Variants in DDX28 observed in about 807,000 individuals in gnomAD.
DDX28 encodes the protein DEAD-box helicase 28, also known as probable ATP-dependent RNA helicase DDX28.
A neutral mutation model predicts 26.8 loss-of-function variants in DDX28; 25 were observed. That is an observed-to-expected ratio of 0.93 (90% CI 0.68 to 1.30). DDX28 has a LOEUF of 1.30. Among genes scored for constraint, DDX28 ranks in the 50% most tolerant of loss-of-function variants. DDX28 has a pLI of 0.00. For missense variants in DDX28, 790 were observed against 695.1 expected (o/e 1.14, Z -1.53); for synonymous variants, 370 against 311.9 (o/e 1.19, Z -1.96).
Position 68,023,081 on chromosome 16 carries a change from G to T in DDX28, c.122C>A (p.Ala41Asp). The T allele has an allele frequency of 6.2e-7, 1 of 1,601,598 alleles. No homozygotes were observed. Residue 41 changes from alanine to aspartate, a missense_variant, in exon 1 of 1, where the codon GCT becomes GAT. Coordinates refer to ENST00000332395, the MANE Select transcript of DDX28 (RefSeq NM_018380.4). ...EPLPVVRIPVALQRQLEQRQS... is the reference protein window; with the variant it reads ...EPLPVVRIPVDLQRQLEQRQS... ...CCGCTGTTCCAACTGCCGCTGTAGAGCCACTGGGATGCGCACCACCGGCAG... is the reference window on the plus strand; with the variant it reads ...CCGCTGTTCCAACTGCCGCTGTAGATCCACTGGGATGCGCACCACCGGCAG...
chr16:68,021,549 T>C lies in DDX28; in HGVS notation c.*31A>G. On this transcript the variant is annotated 3_prime_UTR_variant, in exon 1 of 1. Transcript: ENST00000332395. ...AAGATACTGGGAAAGATCCCTGTTC[T>C]AGCATCACATTTTAATCAGATTTGT... 1 of 1,592,724 alleles carries C rather than the reference T, an allele frequency of 6.3e-7. No homozygotes were observed. Among genetic ancestry groups the C allele is most frequent in the Non-Finnish European group, 8.6e-7 (1 of 1,167,998 alleles).
At position 68,021,370 on chromosome 16, in the gene DDX28, T is replaced by C; in HGVS notation, c.*210A>G. 1 of 580,874 alleles carries C rather than the reference T, an allele frequency of 1.7e-6. No homozygotes were observed. Among genetic ancestry groups the C allele is most frequent in the Non-Finnish European group, 3.0e-6 (1 of 330,364 alleles). 36.0% of individuals were successfully genotyped at this position (580,874 alleles called of 1,614,324 possible). A position where few individuals can be genotyped will look rare whatever the true frequency, so the allele number is the denominator to read the frequency against. On this transcript the variant is annotated 3_prime_UTR_variant, in exon 1 of 1. Transcript: ENST00000332395. ...GATACAAAGTCAAAATCCACTTGTG[T>C]CTTGCTAAAGACTACAGAAAGCCAT... is the stretch of plus-strand genomic sequence containing the variant.
rs2033242495 is a variant in DDX28, at chr16:68,021,690, G to A, written c.1513C>T (p.His505Tyr). 7 of 1,614,234 alleles carry A rather than the reference G, an allele frequency of 4.3e-6. No individual in the cohort carries two copies. Among genetic ancestry groups the A allele is most frequent in the Non-Finnish European group, 5.9e-6 (7 of 1,180,046 alleles). ...TGAACCAGGCTCACATCCCAGGGAT[G>A]GGTCACAAAACTGATGACGGTGCCT... ...VPGTVISFVT[H>Y]PWDVSLVQKI... The change falls in exon 1 of 1, where the codon CAT becomes TAT. Residue 505 changes from histidine to tyrosine, a missense_variant. Physicochemically the swap from His to Tyr is moderately conservative, Grantham distance 83. Coordinates refer to ENST00000332395, the MANE Select transcript of DDX28 (RefSeq NM_018380.4).
At position 68,023,011 on chromosome 16, in the gene DDX28, G is replaced by C; in HGVS notation, c.192C>G (p.Pro64=). 6.3e-7 allele frequency: 1 copy of C among 1,576,150 alleles called. No homozygotes were observed. The highest frequency in any genetic ancestry group is 8.5e-7 in the Non-Finnish European group (1 of 1,169,684). Residue 64 remains proline (P), a synonymous_variant, in exon 1 of 1, where the codon CCC becomes CCG. Coordinates refer to ENST00000332395, the MANE Select transcript of DDX28 (RefSeq NM_018380.4). ...GCCGCGCCGAAACCAGCAGCGGTCC[G>C]GGTCGAACCAGCACCGGCCTCGGGA... The part of the protein sequence containing the change: ...RNLPRPVLVR[P]GPLLVSARRP...
Position 68,021,486 on chromosome 16 carries a change from G to A in DDX28, c.*94C>T. The A allele has an allele frequency of 7.1e-7, 1 of 1,413,772 alleles. No homozygotes were observed. Among genetic ancestry groups the A allele is most frequent in the Non-Finnish European group, 9.6e-7 (1 of 1,037,138 alleles). The allele number at this position is 1,413,772 out of a possible 1,614,324, so 87.6% of individuals were successfully genotyped here. On this transcript the variant is annotated 3_prime_UTR_variant, in exon 1 of 1. Transcript: ENST00000332395. ...CCGCCCTCAAGGAGCCGACAGGGCAGCCCAGAGCCTCCCACTGACAAGTGT... is the reference window on the plus strand; with the variant it reads ...CCGCCCTCAAGGAGCCGACAGGGCAACCCAGAGCCTCCCACTGACAAGTGT...
chr16:68,021,529 A>G lies in DDX28; in HGVS notation c.*51T>C, dbSNP rs768221351. ...ACAAGTGTGGTCACCCACTCAAGAT[A>G]CTGGGAAAGATCCCTGTTCTAGCAT... On this transcript the variant is annotated 3_prime_UTR_variant, in exon 1 of 1. Transcript: ENST00000332395. 1.3e-6 allele frequency: 2 copies of G among 1,569,314 alleles called. No individual in the cohort carries two copies. Among genetic ancestry groups the G allele is most frequent in the South Asian group, 2.4e-5 (2 of 82,348 alleles).
Position 68,023,131 on chromosome 16 carries a change from G to A in DDX28, c.72C>T (p.Leu24=), listed in dbSNP as rs1479718845. 5 of 1,605,642 alleles carry A rather than the reference G, an allele frequency of 3.1e-6. No individual in the cohort carries two copies. Among genetic ancestry groups the A allele is most frequent in the East Asian group, 2.2e-5 (1 of 44,872 alleles). ...GGGGTTCGTCGGGACTGCGGACCGT[G>A]AGGCCCCGTCGCGGCGCCAGGAGCA... ...TRLLLAPRRG[L]TVRSPDEPLP... is the part of the protein sequence containing the mutation. Residue 24 remains leucine (L), a synonymous_variant, in exon 1 of 1, where the codon CTC becomes CTT. Coordinates refer to ENST00000332395, the MANE Select transcript of DDX28 (RefSeq NM_018380.4).
In DDX28 at chr16:68,021,819, C is replaced by A; in HGVS notation, c.1384G>T (p.Asp462Tyr). 6.2e-7 allele frequency: 1 copy of A among 1,614,184 alleles called. No individual in the cohort carries two copies. Among genetic ancestry groups the A allele is most frequent in the African/African-American group, 1.3e-5 (1 of 75,050 alleles). The change falls in exon 1 of 1, where the codon GAC (aspartate) becomes TAC (tyrosine). Residue 462 changes from aspartate (D) to tyrosine (Y), a missense_variant. Asp to Tyr is a radical substitution (Grantham distance 160). Coordinates refer to ENST00000332395, the MANE Select transcript of DDX28 (RefSeq NM_018380.4). The part of the protein sequence containing the change: ...LCTDIASRGL[D>Y]STGVELVVNY... ...ACAACCAGCTCCACACCAGTGCTGT[C>A]CAGGCCCCGAGAGGCTATGTCTGTG...
rs1353042458 is a variant in DDX28 at position 68,021,316 on chromosome 16, ACAT to A, written c.*261_*263del. ...TTATTCTTAGGGGAGGCACATAAAAACATCATTTATTGTTAGAAATCATGACAT... is the reference window on the plus strand; with the variant it reads ...TTATTCTTAGGGGAGGCACATAAAAACATTTATTGTTAGAAATCATGACAT... On this transcript the variant is annotated 3_prime_UTR_variant, in exon 1 of 1. Transcript: ENST00000332395. 5 of 486,124 alleles carry A rather than the reference ACAT, an allele frequency of 1.0e-5. No individual in the cohort carries two copies. In the Admixed American group the frequency reaches 1.9e-4, roughly 19 times the overall value. 30.1% of individuals were successfully genotyped at this position (486,124 alleles called of 1,614,324 possible). A position where few individuals can be genotyped will look rare whatever the true frequency, so the allele number is the denominator to read the frequency against.
Position 68,023,124 on chromosome 16 carries a change from G to A in DDX28, c.79C>T (p.Arg27Cys), listed in dbSNP as rs1223600260. Residue 27 changes from arginine (R) to cysteine (C), a missense_variant, in exon 1 of 1, where the codon CGC (arginine) becomes TGC (cysteine). Arg to Cys is a radical substitution (Grantham distance 180). Transcript: ENST00000332395. ...ACCGGCAGGGGTTCGTCGGGACTGC[G>A]GACCGTGAGGCCCCGTCGCGGCGCC... ...LLAPRRGLTVRSPDEPLPVVR... is the reference protein window; with the variant it reads ...LLAPRRGLTVCSPDEPLPVVR... 1.2e-6 allele frequency: 2 copies of A among 1,604,952 alleles called. No homozygotes were observed. The highest frequency in any genetic ancestry group is 1.3e-5 in the African/African-American group (1 of 75,048).
chr16:68,022,454 A>G lies in DDX28; in HGVS notation c.749T>C (p.Leu250Pro). The G allele has an allele frequency of 6.2e-7, 1 of 1,613,954 alleles. No individual in the cohort carries two copies. Among genetic ancestry groups the G allele is most frequent in the African/African-American group, 1.3e-5 (1 of 75,070 alleles). The change falls in exon 1 of 1, where the codon CTG (leucine) becomes CCG (proline). Residue 250 changes from leucine (L) to proline (P), a missense_variant. By Grantham distance (98) the Leu-to-Pro change is moderately conservative. Coordinates refer to ENST00000332395, the MANE Select transcript of DDX28 (RefSeq NM_018380.4). ...CACATCTGCTGAAGGCTGTCTGGACAGCTGCAGCCTGATCCTACGCATGCC... is the reference window on the plus strand; with the variant it reads ...CACATCTGCTGAAGGCTGTCTGGACGGCTGCAGCCTGATCCTACGCATGCC... ...GHGMRRIRLQLSRQPSADVLV... is the reference protein window; with the variant it reads ...GHGMRRIRLQPSRQPSADVLV...
chr16:68,022,948 G>T lies in DDX28; in HGVS notation c.255C>A (p.Gly85=). The T allele has an allele frequency of 6.4e-7, 1 of 1,551,760 alleles. No individual in the cohort carries two copies. The highest frequency in any genetic ancestry group is 8.7e-7 in the Non-Finnish European group (1 of 1,155,236). Reference sequence around the variant, plus strand: ...AGGCTAGCGGCGCGCGCTCCCAACGGCCCAGTGTGAGGCGCGCCGGCTGGT... The same window carrying T: ...AGGCTAGCGGCGCGCGCTCCCAACGTCCCAGTGTGAGGCGCGCCGGCTGGT... ...ELNQPARLTL[G]RWERAPLASQ... The change falls in exon 1 of 1, where the codon GGC becomes GGA. Residue 85 remains glycine (G), a synonymous_variant. Coordinates refer to ENST00000332395, the MANE Select transcript of DDX28 (RefSeq NM_018380.4).
In DDX28 at chr16:68,021,900, T is replaced by C; in HGVS notation, c.1303A>G (p.Met435Val). The C allele has an allele frequency of 1.9e-6, 3 of 1,614,192 alleles. No individual in the cohort carries two copies. Among genetic ancestry groups the C allele is most frequent in the Non-Finnish European group, 2.5e-6 (3 of 1,180,030 alleles). Residue 435 changes from methionine to valine, a missense_variant, in exon 1 of 1, where the codon ATG becomes GTG. Transcript: ENST00000332395. ...AAGGACTGGAAGATTCCTACCCTCA[T>C]CAAGGCTGGCATTTGCCCCTGCAAC... ...LRLQGQMPAL[M>V]RVGIFQSFQK...
At position 68,022,677 on chromosome 16, in the gene DDX28, T is replaced by A; in HGVS notation, c.526A>T (p.Ser176Cys). The A allele has an allele frequency of 6.2e-7, 1 of 1,613,254 alleles. No individual in the cohort carries two copies. The highest frequency in any genetic ancestry group is 8.5e-7 in the Non-Finnish European group (1 of 1,179,980). ...AGGAGGTAGCTGAGAGTCTTGCCAC[T>A]GCCGGTTTCTGCGGCGCAAACGACA... ...RHVVCAAETG[S>C]GKTLSYLLPL... Residue 176 changes from serine (S) to cysteine (C), a missense_variant, in exon 1 of 1, where the codon AGT becomes TGT. Coordinates refer to ENST00000332395, the MANE Select transcript of DDX28 (RefSeq NM_018380.4).
Position 68,021,354 on chromosome 16 carries a change from T to G in DDX28, c.*226A>C, listed in dbSNP as rs923683865. The stretch of plus-strand genomic sequence containing the variant: ...TTAGAAATCATGACATGATACAAAG[T>G]CAAAATCCACTTGTGTCTTGCTAAA... On this transcript the variant is annotated 3_prime_UTR_variant, in exon 1 of 1. Coordinates refer to ENST00000332395, the MANE Select transcript of DDX28 (RefSeq NM_018380.4). 1 of 561,806 alleles carries G rather than the reference T, an allele frequency of 1.8e-6. No homozygotes were observed. The highest frequency in any genetic ancestry group is 2.3e-5 in the South Asian group (1 of 43,318). The allele number at this position is 561,806 out of a possible 1,614,324, so 34.8% of individuals were successfully genotyped here.
At position 68,022,686 on chromosome 16, in the gene DDX28, C is replaced by T. The variant is rs2151403838; in HGVS notation, c.517G>A (p.Glu173Lys). 6.2e-7 allele frequency: 1 copy of T among 1,613,288 alleles called. No individual in the cohort carries two copies. Among genetic ancestry groups the T allele is most frequent in the South Asian group, 1.1e-5 (1 of 91,044 alleles). The change falls in exon 1 of 1, where the codon GAA becomes AAA. Residue 173 changes from glutamate to lysine, a missense_variant. Transcript: ENST00000332395. The part of the protein sequence containing the change: ...LRGRHVVCAA[E>K]TGSGKTLSYL... ...CTGAGAGTCTTGCCACTGCCGGTTT[C>T]TGCGGCGCAAACGACATGGCGGCCG...
In DDX28 at chr16:68,022,867, C is replaced by A; in HGVS notation, c.336G>T (p.Ala112=). The change falls in exon 1 of 1, where the codon GCG becomes GCT. Residue 112 remains alanine, a synonymous_variant. Coordinates refer to ENST00000332395, the MANE Select transcript of DDX28 (RefSeq NM_018380.4). The part of the protein sequence containing the change: ...ARRDHFSIER[A]QQEAPAVRKL... ...TTCGCACCGCTGGCGCCTCCTGTTGCGCGCGCTCGATGGAGAAGTGGTCCC... is the reference window on the plus strand; with the variant it reads ...TTCGCACCGCTGGCGCCTCCTGTTGAGCGCGCTCGATGGAGAAGTGGTCCC... The A allele has an allele frequency of 6.4e-7, 1 of 1,572,580 alleles. No homozygotes were observed. Among genetic ancestry groups the A allele is most frequent in the South Asian group, 1.2e-5 (1 of 86,920 alleles).
Position 68,023,102 on chromosome 16 carries a change from G to A in DDX28, c.101C>T (p.Pro34Leu). The A allele has an allele frequency of 6.2e-7, 1 of 1,603,142 alleles. No individual in the cohort carries two copies. The highest frequency in any genetic ancestry group is 8.5e-7 in the Non-Finnish European group (1 of 1,179,800). The change falls in exon 1 of 1, where the codon CCG becomes CTG. Residue 34 changes from proline (P) to leucine (L), a missense_variant. Transcript: ENST00000332395. ...LTVRSPDEPL[P>L]VVRIPVALQR... ...TAGAGCCACTGGGATGCGCACCACC[G>A]GCAGGGGTTCGTCGGGACTGCGGAC... is the stretch of plus-strand genomic sequence containing the variant.
In DDX28 at chr16:68,023,188, C is replaced by T. The variant is rs1432997642; in HGVS notation, c.15G>A (p.Arg5=). MALT[R]PVRLFSLVTR... ...TCACGAGGGAAAAGAGCCGCACCGG[C>T]CGCGTTAGAGCCATGTTTCCCTTAG... The change falls in exon 1 of 1, where the codon CGG becomes CGA. Residue 5 remains arginine, a synonymous_variant. Coordinates refer to ENST00000332395, the MANE Select transcript of DDX28 (RefSeq NM_018380.4). 1 of 1,609,518 alleles carries T rather than the reference C, an allele frequency of 6.2e-7. No individual in the cohort carries two copies. The highest frequency in any genetic ancestry group is 8.5e-7 in the Non-Finnish European group (1 of 1,178,752).
Sources: gnomAD v4.1 joint callset for allele counts on GRCh38, gnomAD v4.1.1 for gene constraint, MANE v1.5 for transcripts, NCBI Gene and HGNC (gene_info 2026-07-23, HGNC 2026-07-21) for gene names.